WRN: variants seen among roughly 807,000 people sequenced by gnomAD.
WRN encodes the protein WRN RecQ like helicase.
WRN carries 149 observed loss-of-function variants against 180.7 expected under a neutral mutation model. The observed-to-expected ratio is 0.82, with a 90% CI of 0.72 to 0.94. WRN has a LOEUF of 0.94. Ranked by LOEUF, WRN falls within the 40% of genes least tolerant of loss-of-function variation. The pLI, the probability that WRN is intolerant of heterozygous loss-of-function variation, is 0.00. For missense variants in WRN, 1,661 were observed against 1,700.1 expected (o/e 0.98, Z 0.40); for synonymous variants, 548 against 568.9 (o/e 0.96, Z 0.52).
intron 18 of WRN, among the ~76,000 whole-genome samples, chr8:31,110,794 A>G (rs980614842): frequency 6.6e-6 from 1 of 152,226 alleles, no homozygotes; most frequent in Non-Finnish European, 1.5e-5. Context: ...TAATTTAGAA[A>G]CAACTGTAAG....
chr8:31,109,788 AATCTCAC>A, intron 18 of WRN, among the ~76,000 whole-genome samples: 1 of 152,186 alleles, frequency 6.6e-6, no homozygotes, highest in African/African-American at 2.4e-5. Flanking sequence ...AAGAGCTCAA[AATCTCAC>A]ATCTAGTAAG....
chr8:31,055,579 C>T (rs1485271863), intron 1 of WRN, among the ~76,000 whole-genome samples: 2 of 151,630 alleles, frequency 1.3e-5, no homozygotes, highest in African/African-American at 2.4e-5. Context: ...AGTGTCTGTT[C>T]ATGTCCTCTG....
intron 9 of WRN, among the ~76,000 whole-genome samples, 176 bp from the exon 10 acceptor site, chr8:31,083,523 C>G (rs1462794212): frequency 4.0e-5 from 6 of 151,594 alleles, no homozygotes; most frequent in Non-Finnish European, 8.8e-5. Flanking sequence ...TTTCTTTGTT[C>G]ATTCTTCTCT....
intron 21 of WRN, among the ~76,000 whole-genome samples, chr8:31,122,860 G>GTTTTTTTTTTTT (rs71206298): frequency 1.9e-4 from 13 of 69,478 alleles, no homozygotes; most frequent in Admixed American, 4.6e-4. Context: ...TTCTTTTCTT[G>GTTTTTTTTTTTT]TTTTTTTTTT....
intron 1 of WRN, among the ~76,000 whole-genome samples, chr8:31,040,521 T>A (rs1314145703): frequency 6.6e-6 from 1 of 152,126 alleles, no homozygotes; most frequent in Non-Finnish European, 1.5e-5. Flanking sequence ...TTGATATAGA[T>A]GGAGACTCAA....
At chr8:31,172,899 G>GGGT (rs1340137598) in intron 34 of WRN, 96 bp from the exon 35 acceptor site, 5 of 980,166 alleles carry the variant, frequency 5.1e-6, no homozygotes, top group African/African-American at 1.6e-5. Flanking sequence ...GAGAAAGGAT[G>GGGT]GGTGTGTATT....
chr8:31,110,237 G>A (rs534453985), intron 18 of WRN, among the ~76,000 whole-genome samples: 168 of 152,294 alleles, frequency 1.1e-3, no homozygotes, highest in African/African-American at 3.8e-3. Context: ...GTTAATTAGA[G>A]AAACCAACCT....
At chr8:31,034,870 T>C (rs1466711650) in intron 1 of WRN, among the ~76,000 whole-genome samples, 1 of 152,150 alleles carries the variant, frequency 6.6e-6, no homozygotes, top group Non-Finnish European at 1.5e-5. Flanking sequence ...GTATGAGTTA[T>C]CGTGTCCAGC....
chr8:31,154,877 A>T (rs1803317461), intron 32 of WRN, 122 bp downstream of exon 32: 3 of 1,237,370 alleles, frequency 2.4e-6, no homozygotes, highest in Non-Finnish European at 3.4e-6. Context: ...AATAAATCTC[A>T]GTTTATCTTT....
intron 9 of WRN, 148 bp from the exon 10 acceptor site, chr8:31,083,551 A>G (rs1443392872): frequency 2.7e-5 from 11 of 414,536 alleles, no homozygotes; most frequent in African/African-American, 4.1e-5. Context: ...TTTTTTATCT[A>G]TCATATAAAT....
chr8:31,035,469 T>A (rs1811418002), intron 1 of WRN, among the ~76,000 whole-genome samples: 1 of 152,052 alleles, frequency 6.6e-6, no homozygotes. Flanking sequence ...AGAGAGCAAC[T>A]TAAGAGGCCT....
chr8:31,111,747 C>T lies in WRN; in HGVS notation c.2221C>T (p.Arg741Ter), dbSNP rs763089663. 13 of 1,613,724 alleles carry T rather than the reference C, an allele frequency of 8.1e-6. No homozygotes were observed. The highest frequency in any genetic ancestry group is 2.2e-5 in the South Asian group (2 of 91,070). The change falls in exon 19 of 35, where the codon CGA (arginine) becomes TGA (stop). Residue 741 changes from arginine (R) to a stop codon, truncating the protein, a stop_gained. Coordinates refer to ENST00000298139, the MANE Select transcript of WRN (RefSeq NM_000553.6). LOFTEE classifies it high-confidence loss of function. Reference protein sequence around the residue: ...DRPNLYLEVRRKTGNILQDLQ... With the variant: ...DRPNLYLEVR ...ACCAAACCTGTATTTAGAAGTTAGG[C>T]GAAAAACAGGGAATATCCTTCAGGA...
chr8:31,110,329 TCAATG>T (rs1216293377), intron 18 of WRN, among the ~76,000 whole-genome samples: 1 of 152,104 alleles, frequency 6.6e-6, no homozygotes, highest in Non-Finnish European at 1.5e-5. Flanking sequence ...AAGCCACAAA[TCAATG>T]AAATTAATTT....
At chr8:31,125,172 A>G (rs920251520) in intron 23 of WRN, among the ~76,000 whole-genome samples, 172 bp downstream of exon 23, 2 of 151,984 alleles carry the variant, frequency 1.3e-5, no homozygotes, top group African/African-American at 2.4e-5. Flanking sequence ...TAAAAAATAG[A>G]TAAAGCAATA....
chr8:31,144,530 T>G, intron 28 of WRN, among the ~76,000 whole-genome samples: 1 of 152,084 alleles, frequency 6.6e-6, no homozygotes, highest in Middle Eastern at 3.2e-3. Context: ...AGAGATGGGT[T>G]TTTGCCGTGT....
intron 7 of WRN, among the ~76,000 whole-genome samples, chr8:31,072,100 A>G (rs755265243): frequency 6.6e-6 from 1 of 152,106 alleles, no homozygotes; most frequent in Non-Finnish European, 1.5e-5. Context: ...ATCCCGAGGA[A>G]CTCTTAGTGT....
intron 20 of WRN, among the ~76,000 whole-genome samples, chr8:31,118,749 A>G (rs1460160280): frequency 6.6e-6 from 1 of 152,072 alleles, no homozygotes; most frequent in Non-Finnish European, 1.5e-5. Context: ...AGATCCAAAC[A>G]CATTTGCATG....
In WRN at chr8:31,111,733, A is replaced by G. The variant is rs769819743; in HGVS notation, c.2207A>G (p.Tyr736Cys). The G allele has an allele frequency of 2.5e-6, 4 of 1,613,986 alleles. No homozygotes were observed. Among genetic ancestry groups the G allele is most frequent in the Non-Finnish European group, 1.7e-6 (2 of 1,179,998 alleles). The change falls in exon 19 of 35, where the codon TAT becomes TGT. Residue 736 changes from tyrosine (Y) to cysteine (C), a missense_variant. Coordinates refer to ENST00000298139, the MANE Select transcript of WRN (RefSeq NM_000553.6). ...TCTGFDRPNL[Y>C]LEVRRKTGNI... The stretch of plus-strand genomic sequence containing the variant: ...ACTGGTTTTGATCGACCAAACCTGT[A>G]TTTAGAAGTTAGGCGAAAAACAGGG...
chr8:31,140,914 C>T lies in WRN; in HGVS notation c.2968-516C>T, dbSNP rs191370393. 2.5e-3 allele frequency among the ~76,000 whole-genome samples: 385 copies of T among 152,180 alleles called. 1 individual carries two copies. Among genetic ancestry groups the T allele is most frequent in the Non-Finnish European group, 4.6e-3 (311 of 67,994 alleles). On this transcript the variant is annotated intron_variant, in intron 24 of 34. Transcript: ENST00000298139. The stretch of plus-strand genomic sequence containing the variant: ...GGGACCACAGGTGCCCGCCACAACA[C>T]CTGGCTAATTTTTTGTATTTTTAGT...
Sources: allele counts gnomAD v4.1 joint callset (sites outside exome capture counted in the v4.1 genomes callset), GRCh38; gene constraint gnomAD v4.1.1; transcripts MANE v1.5; gene names NCBI Gene and HGNC (gene_info 2026-07-23, HGNC 2026-07-21).